The following FOXM1 variants were observed in gnomAD, a reference collection of about 807,000 sequenced individuals.
FOXM1 encodes forkhead box M1, also known as forkhead box protein M1.
FOXM1 carries 25 observed loss-of-function variants against 63.6 expected under a neutral mutation model. The observed-to-expected ratio is 0.39, with a 90% CI of 0.29 to 0.55. The LOEUF (loss-of-function observed/expected upper bound fraction) is 0.55, where lower values mean the gene tolerates loss of function less well. FOXM1 is among the 20% of genes least tolerant of loss of function. The pLI, the probability that FOXM1 is intolerant of heterozygous loss-of-function variation, is 0.60. For missense variants in FOXM1, 879 were observed against 958.7 expected, an observed-to-expected ratio of 0.92 and a Z score of 1.10; for synonymous variants, 387 against 376.9, an observed-to-expected ratio of 1.03 and a Z score of -0.31.
In FOXM1 at chr12:2,864,877, A is replaced by C; in HGVS notation, c.1021-125T>G. 1 of 1,038,006 alleles carries C rather than the reference A, an allele frequency of 9.6e-7. No individual in the cohort carries two copies. Among genetic ancestry groups the C allele is most frequent in the South Asian group, 1.3e-5 (1 of 77,598 alleles). The allele number at this position is 1,038,006 out of a possible 1,614,324, so 64.3% of individuals were successfully genotyped here. A position where few individuals can be genotyped will look rare whatever the true frequency, so the allele number is the denominator to read the frequency against. On this transcript the variant is annotated intron_variant, in intron 6 of 8. Coordinates refer to ENST00000359843, the MANE Select transcript of FOXM1 (RefSeq NM_021953.4). This position sits in a 1 kb window ranked among gnomAD's most constrained non-coding sequence, Gnocchi z 5.1. ...GAGTTAATGACAGCCCAGAGAGAGGAGGCCAACCTGAGGGGATGGACGTAG... is the reference window on the plus strand; with the variant it reads ...GAGTTAATGACAGCCCAGAGAGAGGCGGCCAACCTGAGGGGATGGACGTAG...
Position 2,859,510 on chromosome 12 carries a change from C to A in FOXM1, c.1420G>T (p.Ala474Ser), listed in dbSNP as rs2098104718. Reference sequence around the variant, plus strand: ...GGGCTCTCCACTTTGATGGGTCTCGCTAAGTGTGGCATTTCCTCCCCAGGC... The same window carrying A: ...GGGCTCTCCACTTTGATGGGTCTCGATAAGTGTGGCATTTCCTCCCCAGGC... ...IQPGEEMPHLARPIKVESPPL... is the reference protein window; with the variant it reads ...IQPGEEMPHLSRPIKVESPPL... The change falls in exon 9 of 9, where the codon GCG (alanine) becomes TCG (serine). Residue 474 changes from alanine (A) to serine (S), a missense_variant. Physicochemically the swap from Ala to Ser is moderately conservative, Grantham distance 99. Around this residue, in one of 4 missense-constraint regions of FOXM1, gnomAD observed 486 missense variants for 453.5 expected, o/e 1.07. Coordinates refer to ENST00000359843, the MANE Select transcript of FOXM1 (RefSeq NM_021953.4). 6.2e-7 allele frequency: 1 copy of A among 1,613,888 alleles called. No individual in the cohort carries two copies. The highest frequency in any genetic ancestry group is 1.3e-5 in the African/African-American group (1 of 74,928).
chr12:2,866,828 A>T (rs1207939125), intron 4 of FOXM1, among the ~76,000 whole-genome samples: 1 of 152,244 alleles, frequency 6.6e-6, no homozygotes, highest in Non-Finnish European at 1.5e-5. Flanking sequence ...AGTGATCAAT[A>T]GCAAGAAAGG....
chr12:2,868,303 G>A (rs2098127219), intron 4 of FOXM1: 1 of 331,874 alleles, frequency 3.0e-6, no homozygotes, highest in Non-Finnish European at 5.4e-6. Context: ...GCTGTTGAGT[G>A]TAGCAGAAAA....
chr12:2,871,763 T>C (rs1257850392), intron 3 of FOXM1, among the ~76,000 whole-genome samples: 1 of 152,204 alleles, frequency 6.6e-6, no homozygotes, highest in Non-Finnish European at 1.5e-5. Context: ...ATACTGTTCA[T>C]ACTGTTGGGA....
At position 2,864,922 on chromosome 12, in the gene FOXM1, G is replaced by C; in HGVS notation, c.1021-170C>G. Reference sequence around the variant, plus strand: ...ACGTAGGCGAGCAGTCTCCAAAACTGTGATGAGTGGGCAGGTGGGTGGCCT... The same window carrying C: ...ACGTAGGCGAGCAGTCTCCAAAACTCTGATGAGTGGGCAGGTGGGTGGCCT... On this transcript the variant is annotated intron_variant, in intron 6 of 8. Transcript: ENST00000359843. The surrounding 1 kb of genome is among the most constrained non-coding windows in gnomAD (Gnocchi z 5.1). 3 of 682,374 alleles carry C rather than the reference G, an allele frequency of 4.4e-6. No individual in the cohort carries two copies. Among genetic ancestry groups the C allele is most frequent in the Non-Finnish European group, 5.2e-6 (2 of 387,186 alleles). 42.3% of individuals were successfully genotyped at this position (682,374 alleles called of 1,614,324 possible).
Position 2,859,681 on chromosome 12 carries a change from A to G in FOXM1, c.1267-18T>C. 6.3e-7 allele frequency: 1 copy of G among 1,584,392 alleles called. No individual in the cohort carries two copies. The highest frequency in any genetic ancestry group is 1.1e-5 in the South Asian group (1 of 88,736). ...AGCAGCACCTGAAAGGGAAACAGAG[A>G]TAAGGTGAACCAACGGTCACCAGAC... On this transcript the variant is annotated intron_variant, in intron 8 of 8. Transcript: ENST00000359843.
In FOXM1 at chr12:2,873,362, G is replaced by A. The variant is rs377080967; in HGVS notation, c.502+615C>T. 3.7e-5 allele frequency among the ~76,000 whole-genome samples: 5 copies of A among 136,472 alleles called. No homozygotes were observed. The East Asian group carries it at 8.9e-4, about 24-fold the overall frequency. 89.5% of individuals were successfully genotyped at this position (136,472 alleles called of 152,430 possible). A position where few individuals can be genotyped will look rare whatever the true frequency, so the allele number is the denominator to read the frequency against. On this transcript the variant is annotated intron_variant, in intron 2 of 8. Transcript: ENST00000359843. ...TGCAGTGAGCTGAGATTGCACCACTGCACTACAGCTTGGGCAACAGAGCAA... is the reference window on the plus strand; with the variant it reads ...TGCAGTGAGCTGAGATTGCACCACTACACTACAGCTTGGGCAACAGAGCAA...
Position 2,864,476 on chromosome 12 carries a change from C to T in FOXM1, c.1110G>A (p.Leu370=), listed in dbSNP as rs2098119546. Residue 370 remains leucine, a synonymous_variant, in exon 8 of 9, where the codon CTG becomes CTA. Coordinates refer to ENST00000359843, the MANE Select transcript of FOXM1 (RefSeq NM_021953.4). This position sits in a 1 kb window ranked among gnomAD's most constrained non-coding sequence, Gnocchi z 5.1. ...PLGARRKMKP[L]LPRVSSYLVP... ...CCAGGTATGAGCTGACCCGTGGTAG[C>T]AGTGGCTTCATCTTCCGCCCTAGGA... 6.2e-7 allele frequency: 1 copy of T among 1,612,540 alleles called. No individual in the cohort carries two copies. Among genetic ancestry groups the T allele is most frequent in the Non-Finnish European group, 8.5e-7 (1 of 1,178,926 alleles).
intron 3 of FOXM1, 41 bp from the exon 4 acceptor site, chr12:2,868,795 G>A: frequency 1.3e-6 from 2 of 1,534,836 alleles, no homozygotes; most frequent in South Asian, 1.2e-5. Context: ...AAGAGTTCAT[G>A]AGAAGCACCC....
intron 8 of FOXM1, among the ~76,000 whole-genome samples, chr12:2,861,770 T>C (rs2098113866): frequency 6.6e-6 from 1 of 152,230 alleles, no homozygotes; most frequent in African/African-American, 2.4e-5. Flanking sequence ...AAAAGTGGAA[T>C]GGCTGAAAAA....
chr12:2,869,275 T>C (rs2153937847), intron 3 of FOXM1, among the ~76,000 whole-genome samples: 1 of 152,212 alleles, frequency 6.6e-6, no homozygotes, highest in Admixed American at 6.5e-5. Flanking sequence ...ATCACATTTC[T>C]TTTTCTTTTT....
intron 4 of FOXM1, chr12:2,868,236 T>A (rs984822819): frequency 3.2e-5 from 6 of 187,988 alleles, no homozygotes; most frequent in African/African-American, 7.0e-5. Flanking sequence ...TTTTTTTTTT[T>A]AATCAAGACA....
rs2098121306 is a variant in FOXM1 at position 2,865,402 on chromosome 12, G to C, written c.976-3C>G. The C allele has an allele frequency of 7.5e-6, 12 of 1,610,028 alleles. No individual in the cohort carries two copies. In the East Asian group the frequency reaches 2.7e-4, roughly 36 times the overall value. On this transcript the variant is annotated splice_region_variant and splice_polypyrimidine_tract_variant and intron_variant, in intron 5 of 8. Transcript: ENST00000359843. The stretch of plus-strand genomic sequence containing the variant: ...TGTGGAGACCCTGGGTCCAGTGGCT[G>C]GTGGCGGCCAGGCATTGTGGGAGAG...
In FOXM1 at chr12:2,866,940, G is replaced by T. The variant is rs1306556460; in HGVS notation, c.847-419C>A. On this transcript the variant is annotated intron_variant, in intron 4 of 8. Transcript: ENST00000359843. ...GGCCAAGGTGAGTGGATCACTTGAG[G>T]CCAGGAGTTTGAGACCAGCCTAGCA... Among the ~76,000 whole-genome samples, 3 of 151,822 alleles carry T rather than the reference G, an allele frequency of 2.0e-5. No individual in the cohort carries two copies. The South Asian group carries it at 6.2e-4, about 32-fold the overall frequency.
In FOXM1 at chr12:2,874,485, T is replaced by G; in HGVS notation, c.-7A>C. Reference sequence around the variant, plus strand: ...GACGGGGGCTAGTTTTCATTATGAATCTGCGTTTTCACTCTCCATTGAGAA... The same window carrying G: ...GACGGGGGCTAGTTTTCATTATGAAGCTGCGTTTTCACTCTCCATTGAGAA... On this transcript the variant is annotated 5_prime_UTR_variant, in exon 2 of 9. Transcript: ENST00000359843. The surrounding 1 kb of genome is among the most constrained non-coding windows in gnomAD (Gnocchi z 4.3). The G allele has an allele frequency of 2.5e-6, 4 of 1,598,410 alleles. No individual in the cohort carries two copies. The highest frequency in any genetic ancestry group is 3.4e-6 in the Non-Finnish European group (4 of 1,174,198).
chr12:2,864,528 G>A lies in FOXM1; in HGVS notation c.1091-33C>T, dbSNP rs2098119664. On this transcript the variant is annotated intron_variant, in intron 7 of 8. Transcript: ENST00000359843. This position sits in a 1 kb window ranked among gnomAD's most constrained non-coding sequence, Gnocchi z 5.1. ...GAAACACGAGAGATCAGGAGCAGGGGGACTGGAGTACACCCCTTCTCAGCC... is the reference window on the plus strand; with the variant it reads ...GAAACACGAGAGATCAGGAGCAGGGAGACTGGAGTACACCCCTTCTCAGCC... 7.5e-6 allele frequency: 12 copies of A among 1,602,142 alleles called. No homozygotes were observed. The highest frequency in any genetic ancestry group is 9.4e-6 in the Non-Finnish European group (11 of 1,171,032).
At chr12:2,863,620 C>T (rs1377005239) in intron 8 of FOXM1, 1 of 152,212 alleles carries the variant, frequency 6.6e-6, no homozygotes, top group African/African-American at 2.4e-5. Flanking sequence ...GTCTCGAACT[C>T]TTGGCTGTAA....
At chr12:2,871,134 A>G (rs2098132624) in intron 3 of FOXM1, among the ~76,000 whole-genome samples, 1 of 151,754 alleles carries the variant, frequency 6.6e-6, no homozygotes, top group South Asian at 2.1e-4. Context: ...TCATTTGTAC[A>G]CTAAACCCCA....
chr12:2,868,461 C>A (rs1603501129), intron 4 of FOXM1, 102 bp downstream of exon 4: 1 of 778,944 alleles, frequency 1.3e-6, no homozygotes, highest in East Asian at 2.6e-5. Flanking sequence ...ATTCTAGTGT[C>A]CTTTGCACTT....
Sources: allele counts gnomAD v4.1 joint callset (sites outside exome capture counted in the v4.1 genomes callset), GRCh38; gene constraint gnomAD v4.1.1; regional missense constraint gnomAD v4.1.1; non-coding constraint Gnocchi (gnomAD v3.1); transcripts MANE v1.5; gene names NCBI Gene and HGNC (gene_info 2026-07-23, HGNC 2026-07-21).